Variants in TUSC3 observed in about 807,000 individuals in gnomAD.
TUSC3 encodes the protein tumor suppressor candidate 3, also known as dolichyl-diphosphooligosaccharide--protein glycosyltransferase subunit TUSC3.
Under a neutral mutation model 44.8 loss-of-function variants are expected in TUSC3, and 45 were observed. The ratio of observed to expected loss-of-function variants is 1.00; its 90% CI spans 0.79 to 1.29. The LOEUF is 1.29. Among genes scored for constraint, TUSC3 ranks in the 50% most tolerant of loss-of-function variants. The pLI is 0.00. For missense variants in TUSC3, 519 were observed against 437.9 expected (o/e 1.19, Z -1.65); for synonymous variants, 212 against 152.9 (o/e 1.39, Z -2.85).
chr8:15,445,972 G>A (rs1800091302), intron 1 of TUSC3, among the ~76,000 whole-genome samples: 1 of 151,000 alleles, frequency 6.6e-6, no homozygotes, highest in Admixed American at 6.6e-5. Context: ...CTCGCGGATG[G>A]GGCAGCTGCC....
the TUSC3 span, among the ~76,000 whole-genome samples, chr8:15,813,914 C>T: frequency 1.6e-4 from 24 of 152,064 alleles, no homozygotes; most frequent in African/African-American, 5.3e-4. Flanking sequence ...CTAGCTCCAC[C>T]GTTACTAAGT....
intron 6 of TUSC3, among the ~76,000 whole-genome samples, chr8:15,721,116 C>A (rs891711190): frequency 6.6e-6 from 1 of 151,978 alleles, no homozygotes; most frequent in African/African-American, 2.4e-5. Context: ...TTGATAATAA[C>A]ATCTTTTTTT....
At chr8:15,748,490 T>C (rs761532223) in intron 9 of TUSC3, 25 bp downstream of exon 9, 1 of 1,521,684 alleles carries the variant, frequency 6.6e-7, no homozygotes, top group South Asian at 1.1e-5. Context: ...CTAACATGAA[T>C]GTTTTTATTT....
chr8:15,480,534 A>C (rs985000474), intron 1 of TUSC3, among the ~76,000 whole-genome samples: 1 of 152,208 alleles, frequency 6.6e-6, no homozygotes, highest in Non-Finnish European at 1.5e-5. Flanking sequence ...CTCTTGCCTC[A>C]TGTCTGATTT....
At chr8:15,489,402 G>C (rs1414523674) in intron 2 of TUSC3, among the ~76,000 whole-genome samples, 1 of 152,178 alleles carries the variant, frequency 6.6e-6, no homozygotes, top group Non-Finnish European at 1.5e-5. Flanking sequence ...CACCCTTAGA[G>C]AAAATAGATG....
chr8:15,711,064 A>C (rs1809825681), intron 6 of TUSC3, among the ~76,000 whole-genome samples: 1 of 151,658 alleles, frequency 6.6e-6, no homozygotes, highest in South Asian at 2.1e-4. Context: ...CTTGTCTCTG[A>C]TAATGTAGAC....
intron 1 of TUSC3, among the ~76,000 whole-genome samples, chr8:15,585,339 A>G (rs1803551476): frequency 6.6e-6 from 1 of 152,328 alleles, no homozygotes; most frequent in South Asian, 2.1e-4. Context: ...AATGCACCAC[A>G]ATGTAGCAGT....
intron 2 of TUSC3, among the ~76,000 whole-genome samples, chr8:15,642,263 C>G (rs1806406537): frequency 6.6e-6 from 1 of 152,044 alleles, no homozygotes; most frequent in African/African-American, 2.4e-5. Flanking sequence ...ACTGGTTAAT[C>G]AGTAGTTCAA....
chr8:15,438,114 G>C (rs540536103), intron 1 of TUSC3, among the ~76,000 whole-genome samples: 9 of 152,142 alleles, frequency 5.9e-5, no homozygotes, highest in Admixed American at 5.9e-4. Flanking sequence ...TGGGTTTTTT[G>C]AGACGGAGTT....
chr8:15,488,154 C>T, intron 2 of TUSC3, among the ~76,000 whole-genome samples: 1 of 151,928 alleles, frequency 6.6e-6, no homozygotes, highest in Non-Finnish European at 1.5e-5. Flanking sequence ...TTTCCTTTTC[C>T]TGAGTAACCT....
the TUSC3 span, among the ~76,000 whole-genome samples, chr8:15,837,099 C>A: frequency 6.6e-6 from 1 of 152,038 alleles, no homozygotes; most frequent in Admixed American, 6.6e-5. Flanking sequence ...TGTTTAAAAG[C>A]TATTGTTCTA....
chr8:15,631,051 C>G (rs1471147875), intron 2 of TUSC3, among the ~76,000 whole-genome samples: 1 of 152,000 alleles, frequency 6.6e-6, no homozygotes, highest in African/African-American at 2.4e-5. Flanking sequence ...TTTAAGTTTC[C>G]TTAAATTTCT....
chr8:15,443,680 G>C (rs765834435), intron 1 of TUSC3, among the ~76,000 whole-genome samples: 2 of 152,122 alleles, frequency 1.3e-5, no homozygotes, highest in Non-Finnish European at 2.9e-5. Context: ...CTTGCCTGGA[G>C]ACTAGACTGC....
Position 15,624,591 on chromosome 8 carries a change from G to A in TUSC3, c.308+1342G>A, listed in dbSNP as rs79114134. On this transcript the variant is annotated intron_variant, in intron 2 of 10. Transcript: ENST00000503731. ...TGAACATCTTTTCATGTGCTTATTCGTCATCTATGTATCATCTTTAATGAA... is the reference window on the plus strand; with the variant it reads ...TGAACATCTTTTCATGTGCTTATTCATCATCTATGTATCATCTTTAATGAA... Among the ~76,000 whole-genome samples, 981 of 152,106 alleles carry A rather than the reference G, an allele frequency of 6.4e-3. 10 individuals carry two copies. The highest frequency in any genetic ancestry group is 0.022 in the African/African-American group (931 of 41,492).
At chr8:15,845,520 G>A in the TUSC3 span, among the ~76,000 whole-genome samples, 1 of 152,096 alleles carries the variant, frequency 6.6e-6, no homozygotes, top group East Asian at 1.9e-4. Context: ...ACATTGTCTT[G>A]AGTCTAAAAC....
At chr8:15,423,728 C>G (rs2129115581) in intron 1 of TUSC3, among the ~76,000 whole-genome samples, 1 of 152,158 alleles carries the variant, frequency 6.6e-6, no homozygotes, top group East Asian at 1.9e-4. Context: ...AAGGACAAGT[C>G]AGAGGTTTAC....
intron 6 of TUSC3, among the ~76,000 whole-genome samples, chr8:15,716,603 C>T (rs1810071313): frequency 6.6e-6 from 1 of 152,082 alleles, no homozygotes; most frequent in South Asian, 2.1e-4. Flanking sequence ...ACGAAATATA[C>T]TTTGAAATCT....
the TUSC3 span, among the ~76,000 whole-genome samples, chr8:15,828,725 G>T: frequency 6.6e-6 from 1 of 152,144 alleles, no homozygotes; most frequent in Non-Finnish European, 1.5e-5. Flanking sequence ...TGATACCACA[G>T]ACAGCTGAAA....
At chr8:15,632,295 C>T (rs903746161) in intron 2 of TUSC3, among the ~76,000 whole-genome samples, 4 of 151,914 alleles carry the variant, frequency 2.6e-5, no homozygotes, top group African/African-American at 9.7e-5. Context: ...AGCAACTTGC[C>T]TTTTATAGTG....
Sources: gnomAD v4.1 joint callset for allele counts (sites outside exome capture counted in the v4.1 genomes callset) on GRCh38, gnomAD v4.1.1 for gene constraint, MANE v1.5 for transcripts, NCBI Gene and HGNC (gene_info 2026-07-23, HGNC 2026-07-21) for gene names.